NPAS3: variants seen among roughly 807,000 people sequenced by gnomAD.
NPAS3 encodes the protein neuronal PAS domain-containing protein 3.
A neutral mutation model predicts 73.1 loss-of-function variants in NPAS3; 14 were observed. That is an observed-to-expected ratio of 0.19 (90% CI 0.13 to 0.30). The LOEUF is 0.30. Among genes scored for constraint, NPAS3 ranks in the 10% least tolerant of loss-of-function variants. The probability of loss-of-function intolerance (pLI) is 1.00; values close to 1 mark genes in which losing one functional copy is unlikely to be tolerated. For synonymous variants in NPAS3, 620 were observed against 541.5 expected, an observed-to-expected ratio of 1.14 and a Z score of -2.01; for missense variants, 1,096 against 1,250.0, an observed-to-expected ratio of 0.88 and a Z score of 1.86.
intron 4 of NPAS3, among the ~76,000 whole-genome samples, chr14:33,559,915 A>G (rs1181540759): frequency 1.3e-5 from 2 of 151,290 alleles, no homozygotes; most frequent in Non-Finnish European, 2.9e-5. Context: ...GCTACTCGGG[A>G]GGCTAAGGCA....
intron 2 of NPAS3, among the ~76,000 whole-genome samples, chr14:33,101,063 G>A (rs1414109278): frequency 6.6e-6 from 1 of 152,012 alleles, no homozygotes; most frequent in African/African-American, 2.4e-5. Flanking sequence ...TGTTCAGAAG[G>A]ATGGGACTAG....
At chr14:33,694,979 A>C (rs762661984) in intron 6 of NPAS3, among the ~76,000 whole-genome samples, 1 of 152,174 alleles carries the variant, frequency 6.6e-6, no homozygotes, top group Non-Finnish European at 1.5e-5. Context: ...CCTTGCAAAG[A>C]AAAATATTGC....
intron 4 of NPAS3, among the ~76,000 whole-genome samples, chr14:33,400,407 A>G (rs1218524077): frequency 6.6e-6 from 1 of 152,168 alleles, no homozygotes; most frequent in African/African-American, 2.4e-5. Flanking sequence ...CTGACTTGTT[A>G]GGGCCATAGA....
chr14:32,993,885 A>C (rs1267353522), intron 1 of NPAS3, among the ~76,000 whole-genome samples: 1 of 152,232 alleles, frequency 6.6e-6, no homozygotes, highest in African/African-American at 2.4e-5. Flanking sequence ...GGTAGCATGA[A>C]AATCTTTCCA....
At chr14:33,622,907 T>C (rs115850339) in intron 5 of NPAS3, among the ~76,000 whole-genome samples, 2,135 of 152,314 alleles carry the variant, frequency 0.014, 50 homozygotes, top group African/African-American at 0.048. Context: ...TAGGTATGTT[T>C]GGTGAGATAC....
chr14:33,148,860 A>ATT (rs2044342225), intron 2 of NPAS3, among the ~76,000 whole-genome samples: 1 of 151,792 alleles, frequency 6.6e-6, no homozygotes, highest in Admixed American at 6.6e-5. Context: ...GCTAATTTTA[A>ATT]TTTTTTGGTT....
At chr14:33,666,563 T>G (rs1321551421) in intron 5 of NPAS3, among the ~76,000 whole-genome samples, 2 of 152,224 alleles carry the variant, frequency 1.3e-5, no homozygotes, top group African/African-American at 4.8e-5. Context: ...AAGGAAATCC[T>G]AAAGGATCTG....
At chr14:33,582,364 T>G (rs569478124) in intron 5 of NPAS3, among the ~76,000 whole-genome samples, 1 of 152,344 alleles carries the variant, frequency 6.6e-6, no homozygotes, top group East Asian at 1.9e-4. Flanking sequence ...TTATGTTTCC[T>G]GAAGAGCACG....
rs77039702 is a variant in NPAS3, at chr14:33,357,611, A to G, written c.386-9575A>G. On this transcript the variant is annotated intron_variant, in intron 3 of 11. Transcript: ENST00000356141. ...TCACAACAAAGAGGAGAGAGCTGACATGTGCTTAGCGCCCCCGCGGGCTGG... is the reference window on the plus strand; with the variant it reads ...TCACAACAAAGAGGAGAGAGCTGACGTGTGCTTAGCGCCCCCGCGGGCTGG... Among the ~76,000 whole-genome samples the G allele has an allele frequency of 7.8e-3, 1,183 of 152,358 alleles. 10 individuals are homozygous for G. The highest frequency in any genetic ancestry group is 0.019 in the African/African-American group (806 of 41,580).
chr14:33,295,119 G>T (rs569840138), intron 3 of NPAS3, among the ~76,000 whole-genome samples: 4 of 152,252 alleles, frequency 2.6e-5, no homozygotes, highest in African/African-American at 7.2e-5. Flanking sequence ...CCAAAACGTA[G>T]CTATGCAAAA....
chr14:33,099,052 A>C (rs996932284), intron 2 of NPAS3, among the ~76,000 whole-genome samples: 1 of 152,168 alleles, frequency 6.6e-6, no homozygotes, highest in South Asian at 2.1e-4. Flanking sequence ...TCCAAGTCAC[A>C]CAAAGCCCTG....
intron 4 of NPAS3, among the ~76,000 whole-genome samples, chr14:33,524,422 C>T (rs2053699602): frequency 6.6e-6 from 1 of 152,130 alleles, no homozygotes; most frequent in African/African-American, 2.4e-5. Context: ...TTCACAACAA[C>T]CTAATAAAGT....
At chr14:33,070,716 C>T (rs1007099905) in intron 2 of NPAS3, among the ~76,000 whole-genome samples, 1 of 152,188 alleles carries the variant, frequency 6.6e-6, no homozygotes, top group Non-Finnish European at 1.5e-5. Flanking sequence ...TTGTTCTACA[C>T]ATGGGCCTGT....
intron 2 of NPAS3, among the ~76,000 whole-genome samples, chr14:33,095,078 G>A (rs1250846532): frequency 6.6e-6 from 1 of 152,204 alleles, no homozygotes; most frequent in Non-Finnish European, 1.5e-5. Context: ...CATTGAACAA[G>A]TGACAGCAGA....
chr14:33,200,680 T>A (rs988406611), intron 2 of NPAS3, among the ~76,000 whole-genome samples: 1 of 152,322 alleles, frequency 6.6e-6, no homozygotes, highest in African/African-American at 2.4e-5. Context: ...GATTTTACAT[T>A]AAAAAATCTG....
intron 3 of NPAS3, chr14:33,215,633 T>G (rs749428337): frequency 9.8e-6 from 7 of 716,448 alleles, no homozygotes; most frequent in Middle Eastern, 3.3e-4. Context: ...AAAAAGTCTA[T>G]CAGCCTAAAA....
intron 2 of NPAS3, among the ~76,000 whole-genome samples, chr14:33,204,673 G>A (rs181818021): frequency 6.4e-4 from 98 of 152,178 alleles, no homozygotes; most frequent in African/African-American, 1.9e-3. Context: ...ACTGAGCAAA[G>A]CACTGCTTTG....
downstream of NPAS3, chr14:33,801,149 G>A (rs1210785305): frequency 1.3e-6 from 2 of 1,541,394 alleles, no homozygotes; most frequent in Non-Finnish European, 1.7e-6. Flanking sequence ...CCCGCTTGGA[G>A]GAGGCATCGT....
intron 5 of NPAS3, among the ~76,000 whole-genome samples, chr14:33,654,163 C>A (rs2059078018): frequency 1.4e-5 from 2 of 142,552 alleles, no homozygotes; most frequent in Admixed American, 7.1e-5. Flanking sequence ...CTTAGGGAAT[C>A]CACAATCCTG....
Sources: allele counts gnomAD v4.1 joint callset (sites outside exome capture counted in the v4.1 genomes callset), GRCh38; gene constraint gnomAD v4.1.1; transcripts MANE v1.5; gene names NCBI Gene and HGNC (gene_info 2026-07-23, HGNC 2026-07-21).